The following TNS1 variants were observed in gnomAD, a reference collection of about 807,000 sequenced individuals.
TNS1 encodes the protein tensin 1.
A neutral mutation model predicts 168.6 loss-of-function variants in TNS1; 62 were observed. That is an observed-to-expected ratio of 0.37 (90% CI 0.30 to 0.45). TNS1 has a LOEUF of 0.45. Ranked by LOEUF, TNS1 falls within the 20% of genes least tolerant of loss-of-function variation. The pLI, the probability that TNS1 is intolerant of heterozygous loss-of-function variation, is 1.00. For synonymous variants in TNS1, 934 were observed against 933.2 expected (o/e 1.00, Z -0.02); for missense variants, 2,240 against 2,339.4 (o/e 0.96, Z 0.88).
chr2:217,939,773 G>A (rs1010111132), intron 3 of TNS1, among the ~76,000 whole-genome samples: 1 of 152,236 alleles, frequency 6.6e-6, no homozygotes, highest in African/African-American at 2.4e-5. Flanking sequence ...ACTAGCCCTG[G>A]AGGCGGTAGC....
intron 3 of TNS1, among the ~76,000 whole-genome samples, chr2:217,953,123 T>A (rs1385185900): frequency 6.6e-6 from 1 of 152,094 alleles, no homozygotes; most frequent in South Asian, 2.1e-4. Flanking sequence ...CTAATGTCCA[T>A]GAGGAGGGAA....
intron 18 of TNS1, among the ~76,000 whole-genome samples, chr2:217,871,388 T>C (rs2125594446): frequency 6.6e-6 from 1 of 152,190 alleles, no homozygotes; most frequent in Middle Eastern, 3.4e-3. Context: ...AAAAATCAGT[T>C]CAGGGTCGAA....
rs200296660 is a variant in TNS1 at position 217,818,701 on chromosome 2, T to C, written c.3631A>G (p.Thr1211Ala). The change falls in exon 24 of 33, where the codon ACC (threonine) becomes GCC (alanine). Residue 1211 changes from threonine (T) to alanine (A), a missense_variant. Physicochemically the swap from Thr to Ala is moderately conservative, Grantham distance 58. Transcript: ENST00000682258. ...AAGCCAGACTCCAACAGAGGCTGGG[T>C]GGGCGTCCGGGGACCCTGGTCACTG... ...ESSDQGPRTP[T>A]QPLLESGFRS... 229 of 1,613,742 alleles carry C rather than the reference T, an allele frequency of 1.4e-4. 1 individual carries two copies. In the East Asian group the frequency reaches 4.6e-3, roughly 32 times the overall value.
intron 22 of TNS1, chr2:217,830,402 A>C (rs544370169): frequency 8.1e-6 from 13 of 1,614,028 alleles, no homozygotes; most frequent in Non-Finnish European, 1.1e-5. Flanking sequence ...TAAGGAAAAA[A>C]GTAAAGTTGA....
At chr2:217,985,409 A>T (rs898308536) in intron 2 of TNS1, 2 of 151,480 alleles carry the variant, frequency 1.3e-5, no homozygotes, top group South Asian at 2.1e-4. Flanking sequence ...TTTATTTTTT[A>T]TTTATTTATT....
intron 1 of TNS1, among the ~76,000 whole-genome samples, chr2:218,017,066 A>T (rs576615722): frequency 6.6e-6 from 1 of 152,324 alleles, no homozygotes; most frequent in South Asian, 2.1e-4. Context: ...GGGAGCTCCC[A>T]GTGACTCCTG....
rs772616150 is a variant in TNS1 at position 217,849,044 on chromosome 2, A to T, written c.1473T>A (p.Tyr491Ter). 2 of 1,613,146 alleles carry T rather than the reference A, an allele frequency of 1.2e-6. No individual in the cohort carries two copies. The highest frequency in any genetic ancestry group is 1.1e-5 in the South Asian group (1 of 91,018). ...HTQGPLDGSL[Y>*]AKVKKKDSLH... The stretch of plus-strand genomic sequence containing the variant: ...GGGAGTCTTTCTTCTTCACCTTAGC[A>T]TACAGGCTCCCATCTAGTGGCCCCT... Residue 491 changes from tyrosine to a stop codon, truncating the protein, a stop_gained, in exon 19 of 33, where the codon TAT becomes TAA. Coordinates refer to ENST00000682258, the MANE Select transcript of TNS1 (RefSeq NM_001387777.1). LOFTEE classifies it high-confidence loss of function.
At chr2:217,841,170 A>C (rs1167660345) in intron 19 of TNS1, 6 of 967,378 alleles carry the variant, frequency 6.2e-6, no homozygotes, top group Non-Finnish European at 6.1e-6. Flanking sequence ...AGAGCTGGAA[A>C]GGGAGAAGGG....
intron 1 of TNS1, among the ~76,000 whole-genome samples, chr2:218,017,996 A>G (rs1237599612): frequency 6.6e-6 from 1 of 152,180 alleles, no homozygotes; most frequent in African/African-American, 2.4e-5. Flanking sequence ...TTGAGGCCAA[A>G]ACAGCTTTGT....
At chr2:217,810,039 A>T (rs749577351) in intron 29 of TNS1, 48 bp from the exon 30 acceptor site, 135 of 1,594,094 alleles carry the variant, frequency 8.5e-5, no homozygotes, top group Non-Finnish European at 1.1e-4. Context: ...GGCGTGGGTG[A>T]GGACATTAAC....
At chr2:218,011,847 GGAAA>G (rs1454104623), upstream of TNS1, among the ~76,000 whole-genome samples, 1 of 152,154 alleles carries the variant, frequency 6.6e-6, no homozygotes, top group Non-Finnish European at 1.5e-5. Context: ...TAGAGACGGG[GGAAA>G]GAGAGACATT....
chr2:217,804,377 G>T lies in TNS1; in HGVS notation c.*82C>A. 6.5e-7 allele frequency: 1 copy of T among 1,542,814 alleles called. No individual in the cohort carries two copies. The highest frequency in any genetic ancestry group is 2.3e-5 in the East Asian group (1 of 43,550). ...AAATTGGCCCAAAGTCCTCCTTCTG[G>T]GTTCAAGAGTGGTCAGGATTCATGG... On this transcript the variant is annotated 3_prime_UTR_variant, in exon 33 of 33. Coordinates refer to ENST00000682258, the MANE Select transcript of TNS1 (RefSeq NM_001387777.1).
chr2:217,807,670 G>A (rs1320172232), intron 32 of TNS1, among the ~76,000 whole-genome samples: 4 of 152,190 alleles, frequency 2.6e-5, no homozygotes, highest in African/African-American at 9.7e-5. Context: ...TGATAAGGCT[G>A]ATTTGCTCGG....
intron 18 of TNS1, among the ~76,000 whole-genome samples, chr2:217,867,515 G>A (rs1245051167): frequency 2.0e-5 from 3 of 152,216 alleles, no homozygotes; most frequent in Non-Finnish European, 4.4e-5. Flanking sequence ...GTATGCAGCT[G>A]AACAAAATGA....
intron 19 of TNS1, among the ~76,000 whole-genome samples, chr2:217,840,807 A>G (rs533092590): frequency 1.3e-5 from 2 of 152,318 alleles, no homozygotes; most frequent in Non-Finnish European, 2.9e-5. Context: ...CTCATTGCAA[A>G]GGCCTGCATC....
At position 217,919,872 on chromosome 2, in the gene TNS1, T is replaced by C. The variant is rs113183186; in HGVS notation, c.228+323A>G. Among the ~76,000 whole-genome samples the C allele has an allele frequency of 5.5e-4, 83 of 152,282 alleles. 1 individual carries two copies. The highest frequency in any genetic ancestry group is 1.6e-3 in the African/African-American group (66 of 41,568). ...CCGGGACCAGGCAGGCAGAAGGAGA[T>C]GCCGTGGCAGCCCCTGGTCCTCTGA... On this transcript the variant is annotated intron_variant, in intron 4 of 32. Transcript: ENST00000682258.
At chr2:217,841,264 C>T (rs1000979) in intron 19 of TNS1, 346,389 of 984,188 alleles carry the variant, frequency 0.35, 62,056 homozygotes, top group African/African-American at 0.5. Flanking sequence ...GTGTCCGATG[C>T]CCTGCAGCCT....
intron 21 of TNS1, among the ~76,000 whole-genome samples, chr2:217,831,942 A>AAC (rs66652637): frequency 0.16 from 23,802 of 146,212 alleles, 1,974 homozygotes; most frequent in Middle Eastern, 0.22. Flanking sequence ...ACCCTCACCC[A>AAC]ACACACACAC....
chr2:218,003,748 G>C (rs1468092300), upstream of TNS1, among the ~76,000 whole-genome samples: 1 of 151,602 alleles, frequency 6.6e-6, no homozygotes, highest in Non-Finnish European at 1.5e-5. Context: ...TGTACCCGGG[G>C]CCAACATTTG....
Sources: allele counts gnomAD v4.1 joint callset (sites outside exome capture counted in the v4.1 genomes callset), GRCh38; gene constraint gnomAD v4.1.1; transcripts MANE v1.5; gene names NCBI Gene and HGNC (gene_info 2026-07-23, HGNC 2026-07-21).